NXPE2: variants seen among roughly 807,000 people sequenced by gnomAD.
NXPE2 encodes NXPE family member 2.
Under a neutral mutation model 34.4 loss-of-function variants are expected in NXPE2, and 34 were observed. That is an observed-to-expected ratio of 0.99 (90% confidence interval 0.75 to 1.31). The LOEUF is 1.31. Among genes scored for constraint, NXPE2 ranks in the 40% most tolerant of loss-of-function variants. NXPE2 has a pLI of 0.00. For missense variants in NXPE2, 649 were observed against 672.5 expected (o/e 0.97, Z 0.39); for synonymous variants, 235 against 231.3 (o/e 1.02, Z -0.15).
chr11:114,626,122 C>A, the NXPE2 span, among the ~76,000 whole-genome samples: 1 of 152,116 alleles, frequency 6.6e-6, no homozygotes, highest in African/African-American at 2.4e-5. Context: ...ATTGCCCAGG[C>A]TTGCTTAGGT....
At chr11:114,570,253 A>C in the NXPE2 span, among the ~76,000 whole-genome samples, 1 of 152,076 alleles carries the variant, frequency 6.6e-6, no homozygotes, top group African/African-American at 2.4e-5. Flanking sequence ...TTGCAACCCA[A>C]AGTGCTAGGA....
At chr11:114,704,197 G>A (rs1047561151) in intron 4 of NXPE2, 145 bp downstream of exon 4, 4 of 607,464 alleles carry the variant, frequency 6.6e-6, no homozygotes, top group African/African-American at 1.9e-5. Context: ...TTTTAGAGAA[G>A]GGATTTTATT....
the NXPE2 span, among the ~76,000 whole-genome samples, chr11:114,671,699 T>C: frequency 8.8e-3 from 1,332 of 152,102 alleles, 19 homozygotes; most frequent in African/African-American, 0.031. Flanking sequence ...CTAGCAAAAC[T>C]GTCTTTAAAA....
the NXPE2 span, among the ~76,000 whole-genome samples, chr11:114,597,319 T>C: frequency 4.3e-4 from 65 of 152,292 alleles, 1 homozygote; most frequent in Non-Finnish European, 7.4e-4. Flanking sequence ...TTCAAATATA[T>C]GAACAGTGAT....
the NXPE2 span, among the ~76,000 whole-genome samples, chr11:114,556,949 G>A: frequency 2.0e-5 from 3 of 149,440 alleles, no homozygotes. Context: ...TTGGAGTGCA[G>A]TGGCACTATC....
chr11:114,701,191 C>T (rs939535258), intron 3 of NXPE2, among the ~76,000 whole-genome samples: 1 of 152,104 alleles, frequency 6.6e-6, no homozygotes, highest in African/African-American at 2.4e-5. Context: ...GTCTTCCTGT[C>T]TTGAAGGTCT....
chr11:114,641,509 A>T, the NXPE2 span, among the ~76,000 whole-genome samples: 35 of 152,216 alleles, frequency 2.3e-4, 1 homozygote, highest in East Asian at 4.6e-3. Flanking sequence ...CCACCAAATT[A>T]TATTGAGAGG....
chr11:114,568,440 C>T, the NXPE2 span, among the ~76,000 whole-genome samples: 1 of 152,094 alleles, frequency 6.6e-6, no homozygotes, highest in African/African-American at 2.4e-5. Context: ...CTATAGTAGT[C>T]CATGGTGATG....
the NXPE2 span, among the ~76,000 whole-genome samples, chr11:114,779,804 G>A: frequency 1.3e-5 from 2 of 152,068 alleles, no homozygotes; most frequent in Non-Finnish European, 2.9e-5. Context: ...TTCACACGCC[G>A]GTGATTCCTC....
At chr11:114,657,948 A>G in the NXPE2 span, among the ~76,000 whole-genome samples, 1 of 152,328 alleles carries the variant, frequency 6.6e-6, no homozygotes, top group African/African-American at 2.4e-5. Context: ...TAGACTATTA[A>G]TGCCAAATCA....
chr11:114,744,845 C>T, the NXPE2 span, among the ~76,000 whole-genome samples: 8 of 151,842 alleles, frequency 5.3e-5, no homozygotes, highest in South Asian at 2.1e-4. Context: ...ATTATAAGTA[C>T]GAAGGCATGT....
chr11:114,555,426 C>G, the NXPE2 span, among the ~76,000 whole-genome samples: 1 of 152,116 alleles, frequency 6.6e-6, no homozygotes. Flanking sequence ...AGAGTCTCAC[C>G]ATGTTGGCCA....
chr11:114,558,837 G>C, the NXPE2 span, among the ~76,000 whole-genome samples: 1 of 152,158 alleles, frequency 6.6e-6, no homozygotes, highest in African/African-American at 2.4e-5. Flanking sequence ...ATACATCACA[G>C]AGGACTTCTC....
the NXPE2 span, among the ~76,000 whole-genome samples, chr11:114,787,595 T>C: frequency 6.6e-6 from 1 of 152,194 alleles, no homozygotes; most frequent in African/African-American, 2.4e-5. Context: ...TGCTGAAATA[T>C]TCATCTGGGC....
chr11:114,641,377 G>C, the NXPE2 span, among the ~76,000 whole-genome samples: 1 of 152,018 alleles, frequency 6.6e-6, no homozygotes, highest in East Asian at 1.9e-4. Flanking sequence ...ACTACATACT[G>C]AGTCACAAAG....
At chr11:114,561,308 GTAAA>G in the NXPE2 span, among the ~76,000 whole-genome samples, 1 of 152,220 alleles carries the variant, frequency 6.6e-6, no homozygotes. Flanking sequence ...ATGCATGGGA[GTAAA>G]TTTTGAGATT....
the NXPE2 span, among the ~76,000 whole-genome samples, chr11:114,557,082 C>T: frequency 9.2e-5 from 14 of 151,718 alleles, no homozygotes; most frequent in African/African-American, 2.7e-4. Flanking sequence ...TTAGTAGAGA[C>T]GGGGTTTCAC....
the NXPE2 span, among the ~76,000 whole-genome samples, chr11:114,783,623 G>A: frequency 6.6e-6 from 1 of 152,140 alleles, no homozygotes; most frequent in Non-Finnish European, 1.5e-5. Flanking sequence ...TTTCTTTCTG[G>A]GGTCCTCTTT....
intron 4 of NXPE2, among the ~76,000 whole-genome samples, chr11:114,705,331 A>G (rs1346052866): frequency 6.6e-6 from 1 of 152,244 alleles, no homozygotes; most frequent in African/African-American, 2.4e-5. Context: ...AATGTGACAC[A>G]CTCATTTCAT....
Sources: allele counts gnomAD v4.1 joint callset (sites outside exome capture counted in the v4.1 genomes callset), GRCh38; gene constraint gnomAD v4.1.1; transcripts MANE v1.5; gene names NCBI Gene and HGNC (gene_info 2026-07-23, HGNC 2026-07-21).